OPHN1: variants seen among roughly 807,000 people sequenced by gnomAD.
The protein encoded by OPHN1 is oligophrenin-1.
Under a neutral mutation model 60.7 loss-of-function variants are expected in OPHN1, and 11 were observed. That is an observed-to-expected ratio of 0.18 (90% CI 0.11 to 0.30). The LOEUF is 0.30. Ranked by LOEUF, OPHN1 falls within the 10% of genes least tolerant of loss-of-function variation. The pLI, the probability that OPHN1 is intolerant of heterozygous loss-of-function variation, is 1.00. For missense variants in OPHN1, 449 were observed against 611.0 expected, an observed-to-expected ratio of 0.73 and a Z score of 2.80; for synonymous variants, 226 against 222.6, an observed-to-expected ratio of 1.02 and a Z score of -0.14.
At chrX:68,430,476 G>T (rs1422209261) in intron 2 of OPHN1, among the ~76,000 whole-genome samples, 1 of 111,255 alleles carries the variant, frequency 9.0e-6, no homozygotes, top group African/African-American at 3.3e-5. Flanking sequence ...CTGCTCATAT[G>T]CAAAATTTTA....
chrX:68,396,024 GTA>G (rs1453821422), intron 2 of OPHN1, among the ~76,000 whole-genome samples: 1 of 110,817 alleles, frequency 9.0e-6, no homozygotes, highest in Non-Finnish European at 1.9e-5. Context: ...CTATTTGAAG[GTA>G]TATCCGGGAT....
chrX:68,408,313 A>T, intron 2 of OPHN1, among the ~76,000 whole-genome samples: 1 of 111,956 alleles, frequency 8.9e-6, no homozygotes, highest in African/African-American at 3.3e-5. Context: ...ACACACTTCA[A>T]TTCAATTCCA....
rs1443943526 is a variant in OPHN1 at position 68,290,414 on chromosome X, CATGGTGA to C, written c.251-7304_251-7298del. Among the ~76,000 whole-genome samples, 3 of 110,773 alleles carry C rather than the reference CATGGTGA, an allele frequency of 2.7e-5. No individual in the cohort carries two copies. The East Asian group carries it at 8.5e-4, about 31-fold the overall frequency. On this transcript the variant is annotated intron_variant, in intron 3 of 24. Coordinates refer to ENST00000355520, the MANE Select transcript of OPHN1 (RefSeq NM_002547.3). ...AGGAGTTTGAGACAAGCCTGGCCAA[CATGGTGA>C]AACCCCATCTCTACCAAAAATACAA... is the stretch of plus-strand genomic sequence containing the variant.
At chrX:68,152,297 G>C (rs1430367481) in intron 15 of OPHN1, among the ~76,000 whole-genome samples, 1 of 110,308 alleles carries the variant, frequency 9.1e-6, no homozygotes, top group Non-Finnish European at 1.9e-5. Context: ...TTCCCAAATT[G>C]ACAAAGTTTC....
intron 4 of OPHN1, 129 bp from the exon 5 acceptor site, chrX:68,274,938 G>GT (rs2077985837): frequency 1.1e-5 from 5 of 463,617 alleles, no homozygotes; most frequent in Non-Finnish European, 1.9e-5. Context: ...GATTTGTTGG[G>GT]TTTTGTTACT....
At chrX:68,047,555 C>A (rs1208249062) in intron 24 of OPHN1, among the ~76,000 whole-genome samples, 1 of 111,386 alleles carries the variant, frequency 9.0e-6, no homozygotes, top group Non-Finnish European at 1.9e-5. Flanking sequence ...GCTTATCTAC[C>A]CACGGACCTC....
intron 5 of OPHN1, among the ~76,000 whole-genome samples, chrX:68,263,767 A>G (rs1262480215): frequency 8.9e-6 from 1 of 112,017 alleles, no homozygotes; most frequent in African/African-American, 3.2e-5. Flanking sequence ...TCCAATAGAA[A>G]GATAATGCAA....
intron 15 of OPHN1, among the ~76,000 whole-genome samples, chrX:68,174,087 C>T (rs2077403316): frequency 9.0e-6 from 1 of 111,363 alleles, no homozygotes; most frequent in African/African-American, 3.3e-5. Flanking sequence ...TTGAAGTTTC[C>T]CTTAAAATGC....
intron 2 of OPHN1, among the ~76,000 whole-genome samples, chrX:68,384,873 A>G (rs776581927): frequency 9.7e-4 from 108 of 111,427 alleles, no homozygotes; most frequent in Non-Finnish European, 1.8e-3. Flanking sequence ...ATGCAAAGGC[A>G]TAAGAATGAT....
chrX:68,085,402 T>C (rs186440548), intron 19 of OPHN1, among the ~76,000 whole-genome samples: 1 of 112,175 alleles, frequency 8.9e-6, no homozygotes, highest in African/African-American at 3.2e-5. Context: ...CCCACTACCT[T>C]GCTTTACTTT....
chrX:68,210,219 C>G lies in OPHN1; in HGVS notation c.766G>C (p.Ala256Pro), dbSNP rs967322537. The change falls in exon 9 of 25, where the codon GCT (alanine) becomes CCT (proline). Residue 256 changes from alanine to proline, a missense_variant. Transcript: ENST00000355520. Reference sequence around the variant, plus strand: ...CCTGGAAGTTTGCATGTCTGGGGAGCTTCTTTCATCCTTTTCTTAAGTTCT... The same window carrying G: ...CCTGGAAGTTTGCATGTCTGGGGAGGTTCTTTCATCCTTTTCTTAAGTTCT... ...MEELKKRMKEAPQTCKLPGQP... is the reference protein window; with the variant it reads ...MEELKKRMKEPPQTCKLPGQP... 8.3e-7 allele frequency: 1 copy of G among 1,206,485 alleles called. No homozygotes were observed. Among genetic ancestry groups the G allele is most frequent in the Non-Finnish European group, 1.1e-6 (1 of 892,271 alleles).
rs1182019020 is a variant in OPHN1, at chrX:68,043,341, T to C, written c.*3831A>G. On this transcript the variant is annotated 3_prime_UTR_variant, in exon 25 of 25. Coordinates refer to ENST00000355520, the MANE Select transcript of OPHN1 (RefSeq NM_002547.3). Reference sequence around the variant, plus strand: ...ACATATGTAACTAACCTGCACAATGTGCACATGTACCCTAAAACTTAGAGT... The same window carrying C: ...ACATATGTAACTAACCTGCACAATGCGCACATGTACCCTAAAACTTAGAGT... The C allele has an allele frequency of 1.2e-5, 1 of 85,510 alleles. No individual in the cohort carries two copies. Among genetic ancestry groups the C allele is most frequent in the Non-Finnish European group, 2.2e-5 (1 of 45,371 alleles). The allele number at this position is 85,510 out of a possible 1,213,427, so 7.0% of individuals were successfully genotyped here. A position where few individuals can be genotyped will look rare whatever the true frequency, so the allele number is the denominator to read the frequency against.
chrX:68,083,406 G>A (rs2076983092), intron 19 of OPHN1, among the ~76,000 whole-genome samples: 2 of 111,704 alleles, frequency 1.8e-5, no homozygotes, highest in Admixed American at 1.9e-4. Flanking sequence ...TTCTTTTGCA[G>A]CTTCCTTACT....
chrX:68,270,410 T>C (rs2077961254), intron 5 of OPHN1, among the ~76,000 whole-genome samples: 1 of 109,610 alleles, frequency 9.1e-6, no homozygotes, highest in Admixed American at 9.7e-5. Context: ...TATGTAGCCA[T>C]AAAAAAGGAT....
chrX:68,351,572 C>G (rs1401797517), intron 2 of OPHN1, among the ~76,000 whole-genome samples: 1 of 112,067 alleles, frequency 8.9e-6, no homozygotes, highest in Non-Finnish European at 1.9e-5. Context: ...TACCCTGTCT[C>G]TCTCATCCAG....
chrX:68,420,786 G>A (rs2078822561), intron 2 of OPHN1, among the ~76,000 whole-genome samples: 1 of 104,451 alleles, frequency 9.6e-6, no homozygotes, highest in Non-Finnish European at 1.9e-5. Flanking sequence ...TTCTTGGCAA[G>A]ATGCATTGAA....
intron 19 of OPHN1, among the ~76,000 whole-genome samples, chrX:68,090,411 GAA>G (rs1470977188): frequency 9.0e-6 from 1 of 110,691 alleles, no homozygotes; most frequent in East Asian, 2.8e-4. Flanking sequence ...TCTTATTCCA[GAA>G]ATCAGTTGGA....
chrX:68,168,709 C>G (rs1165501996), intron 15 of OPHN1, among the ~76,000 whole-genome samples: 5 of 112,375 alleles, frequency 4.4e-5, no homozygotes, highest in African/African-American at 1.3e-4. Flanking sequence ...ATTAACGAAT[C>G]CAGGAGCTGG....
intron 3 of OPHN1, among the ~76,000 whole-genome samples, chrX:68,297,033 A>G (rs1032969571): frequency 1.8e-5 from 2 of 111,355 alleles, no homozygotes; most frequent in African/African-American, 3.3e-5. Context: ...AGACATGAGA[A>G]AAGTCTCAGA....
Sources: gnomAD v4.1 joint callset for allele counts (sites outside exome capture counted in the v4.1 genomes callset) on GRCh38, gnomAD v4.1.1 for gene constraint, MANE v1.5 for transcripts, NCBI Gene and HGNC (gene_info 2026-07-23, HGNC 2026-07-21) for gene names.